Variants in ZNF527 observed in about 807,000 individuals in gnomAD.
The protein encoded by ZNF527 is zinc finger protein 527.
In ZNF527, 5 loss-of-function variants were observed where a neutral mutation model predicts 13.5. That is an observed-to-expected ratio of 0.37 (90% CI 0.19 to 0.78). The LOEUF is 0.78. ZNF527 is among the 30% of genes least tolerant of loss of function. The pLI, the probability that ZNF527 is intolerant of heterozygous loss-of-function variation, is 0.48. For missense variants in ZNF527, 628 were observed against 726.4 expected (o/e 0.86, Z 1.56); for synonymous variants, 209 against 243.1 (o/e 0.86, Z 1.30).
Position 37,388,951 on chromosome 19 carries a change from CA to C in ZNF527, c.903del (p.Tyr302MetfsTer126). 1 of 1,581,810 alleles carries C rather than the reference CA, an allele frequency of 6.3e-7. No homozygotes were observed. The highest frequency in any genetic ancestry group is 8.6e-7 in the Non-Finnish European group (1 of 1,159,312). The part of the protein sequence containing the change: ...QPQRIHSGEK[P>X]YACNDCGKAF... ...CAGAGAATTCACAGTGGAGAAAAACCATATGCATGCAATGACTGTGGAAAAG... is the reference window on the plus strand; with the variant it reads ...CAGAGAATTCACAGTGGAGAAAAACCTATGCATGCAATGACTGTGGAAAAG... On this transcript the variant is annotated frameshift_variant, in exon 5 of 5. Coordinates refer to ENST00000436120, the MANE Select transcript of ZNF527 (RefSeq NM_032453.2). LOFTEE classifies it low-confidence loss of function (END_TRUNC).
rs1342720285 is a variant in ZNF527 at position 37,371,158 on chromosome 19, A to C, written c.-110A>C. ...GTCCTCGCCTCGCTCCTCCTCGCGG[A>C]GGATTCTGGGAGGTGACGTCGCGGG... On this transcript the variant is annotated 5_prime_UTR_variant, in exon 1 of 5. Transcript: ENST00000436120. 1 of 151,950 alleles carries C rather than the reference A, an allele frequency of 6.6e-6. No homozygotes were observed. The highest frequency in any genetic ancestry group is 6.6e-5 in the Admixed American group (1 of 15,242). The allele number at this position is 151,950 out of a possible 1,614,324, so 9.4% of individuals were successfully genotyped here. A position where few individuals can be genotyped will look rare whatever the true frequency, so the allele number is the denominator to read the frequency against.
At chr19:37,374,588 A>C (rs559446330) in intron 2 of ZNF527, among the ~76,000 whole-genome samples, 2 of 152,312 alleles carry the variant, frequency 1.3e-5, no homozygotes, top group South Asian at 2.1e-4. Context: ...TGAAAGTAGC[A>C]AGTAAGTTTT....
At position 37,391,050 on chromosome 19, in the gene ZNF527, A is replaced by G. The variant is rs2040748013; in HGVS notation, c.*1171A>G. 1.3e-5 allele frequency: 2 copies of G among 152,216 alleles called. No individual in the cohort carries two copies. Among genetic ancestry groups the G allele is most frequent in the African/African-American group, 4.8e-5 (2 of 41,458 alleles). 9.4% of individuals were successfully genotyped at this position (152,216 alleles called of 1,614,324 possible). A position where few individuals can be genotyped will look rare whatever the true frequency, so the allele number is the denominator to read the frequency against. On this transcript the variant is annotated 3_prime_UTR_variant, in exon 5 of 5. Transcript: ENST00000436120. ...AATTCACCAAGTAAAATTCTTTAAC[A>G]GGCTTCCCCTTAAGGAGTTAAAATC...
At chr19:37,387,304 T>C (rs909309950) in intron 4 of ZNF527, among the ~76,000 whole-genome samples, 4 of 152,240 alleles carry the variant, frequency 2.6e-5, no homozygotes, top group Admixed American at 6.5e-5. Context: ...CAAGCTCATA[T>C]TCTCCGAGAA....
At position 37,380,331 on chromosome 19, in the gene ZNF527, C is replaced by T. The variant is rs780232583; in HGVS notation, c.215C>T (p.Pro72Leu). The T allele has an allele frequency of 3.4e-5, 55 of 1,613,952 alleles. No homozygotes were observed. Among genetic ancestry groups the T allele is most frequent in the Non-Finnish European group, 4.4e-5 (52 of 1,180,004 alleles). ...MISLLEQGKEPWMVERKMSQG... is the reference protein window; with the variant it reads ...MISLLEQGKELWMVERKMSQG... Reference sequence around the variant, plus strand: ...TCCTTACTGGAGCAAGGGAAGGAACCGTGGATGGTGGAGAGAAAGATGTCA... The same window carrying T: ...TCCTTACTGGAGCAAGGGAAGGAACTGTGGATGGTGGAGAGAAAGATGTCA... Residue 72 changes from proline to leucine, a missense_variant, in exon 4 of 5, where the codon CCG (proline) becomes CTG (leucine). Pro to Leu is a moderately conservative substitution (Grantham distance 98). This residue lies in a region of ZNF527 where 592 missense variants were observed against 678.0 expected (regional missense o/e 0.87). Coordinates refer to ENST00000436120, the MANE Select transcript of ZNF527 (RefSeq NM_032453.2).
At chr19:37,379,344 G>A in intron 3 of ZNF527, 98 bp downstream of exon 3, 1 of 1,194,340 alleles carries the variant, frequency 8.4e-7, no homozygotes, top group Non-Finnish European at 1.1e-6. Flanking sequence ...CATCTTAAAA[G>A]CACTTACTTG....
intron 4 of ZNF527, among the ~76,000 whole-genome samples, chr19:37,381,932 GGATTT>G (rs975871341): frequency 6.6e-6 from 1 of 151,928 alleles, no homozygotes; most frequent in Non-Finnish European, 1.5e-5. Flanking sequence ...AAATTTAAAT[GGATTT>G]ATTTTTGGAT....
chr19:37,374,813 G>A (rs867861648), intron 2 of ZNF527, among the ~76,000 whole-genome samples: 21 of 152,194 alleles, frequency 1.4e-4, no homozygotes, highest in African/African-American at 3.9e-4. Flanking sequence ...CCATTGGAAC[G>A]TTTGTGATCT....
chr19:37,377,305 G>A (rs1284392101), intron 2 of ZNF527, among the ~76,000 whole-genome samples: 1 of 152,284 alleles, frequency 6.6e-6, no homozygotes, highest in South Asian at 2.1e-4. Flanking sequence ...CATAGTCACA[G>A]AGGGCAGACA....
At chr19:37,388,269 G>T in intron 4 of ZNF527, 37 bp from the exon 5 acceptor site, 1 of 1,592,332 alleles carries the variant, frequency 6.3e-7, no homozygotes, top group South Asian at 1.1e-5. Context: ...CATAGCAAAA[G>T]AACAAAGGAG....
rs560963038 is a variant in ZNF527, at chr19:37,388,512, G to A, written c.463G>A (p.Glu155Lys). 12 of 1,614,168 alleles carry A rather than the reference G, an allele frequency of 7.4e-6. No individual in the cohort carries two copies. In the African/African-American group the frequency reaches 1.6e-4, roughly 22 times the overall value. ...TTTCATGCAAGTGACAGCTGTTAAG[G>A]AAATCTCTACTGGGAAAAGAGACAA... ...RHFMQVTAVKEISTGKRDNEF... is the reference protein window; with the variant it reads ...RHFMQVTAVKKISTGKRDNEF... The change falls in exon 5 of 5, where the codon GAA becomes AAA. Residue 155 changes from glutamate (E) to lysine (K), a missense_variant. Around this residue, in one of 3 missense-constraint regions of ZNF527, gnomAD observed 592 missense variants for 678.0 expected, o/e 0.87. Coordinates refer to ENST00000436120, the MANE Select transcript of ZNF527 (RefSeq NM_032453.2).
chr19:37,389,243 T>C lies in ZNF527; in HGVS notation c.1194T>C (p.Ser398=), dbSNP rs753957918. 6.2e-7 allele frequency: 1 copy of C among 1,614,078 alleles called. No homozygotes were observed. The highest frequency in any genetic ancestry group is 8.5e-7 in the Non-Finnish European group (1 of 1,180,008). ...AATGTAATAAAGCCTTCAGACAGAG[T>C]GCTCACCTTAATCAACATCAGAGGA... ...CKECNKAFRQ[S]AHLNQHQRIH... is the part of the protein sequence containing the mutation. Residue 398 remains serine, a synonymous_variant, in exon 5 of 5, where the codon AGT becomes AGC. Transcript: ENST00000436120.
chr19:37,387,909 C>G lies in ZNF527; in HGVS notation c.257-397C>G, dbSNP rs560878947. ...AAAGGGGTGAACATCCATCCCTGCC[C>G]TCATGGAGCTTTCAGTCTTATGAAT... On this transcript the variant is annotated intron_variant, in intron 4 of 4. Coordinates refer to ENST00000436120, the MANE Select transcript of ZNF527 (RefSeq NM_032453.2). Among the ~76,000 whole-genome samples, 22 of 152,312 alleles carry G rather than the reference C, an allele frequency of 1.4e-4. 1 individual carries two copies. In the South Asian group the frequency reaches 4.6e-3, roughly 32 times the overall value.
At chr19:37,381,909 TA>T (rs1474922942) in intron 4 of ZNF527, among the ~76,000 whole-genome samples, 5 of 152,218 alleles carry the variant, frequency 3.3e-5, no homozygotes, top group Non-Finnish European at 7.3e-5. Context: ...TCATAAAATT[TA>T]ATGACTTCAT....
At chr19:37,379,325 A>G in intron 3 of ZNF527, 79 bp downstream of exon 3, 1 of 1,371,538 alleles carries the variant, frequency 7.3e-7, no homozygotes, top group African/African-American at 1.5e-5. Context: ...TATCTAGGAC[A>G]TCTTAAGACA....
rs200784706 is a variant in ZNF527 at position 37,379,464 on chromosome 19, T to TC, written c.160+218_160+219insC. ...TCTGAACACATGAAGTAATTTCTTT[T>TC]TTTTTTTTTTTTTTTGAGACAGAGT... is the stretch of plus-strand genomic sequence containing the variant. On this transcript the variant is annotated intron_variant, in intron 3 of 4. Transcript: ENST00000436120. The TC allele has an allele frequency of 1.1e-3, 304 of 284,238 alleles. 2 individuals carry two copies. The East Asian group carries it at 0.019, about 18-fold the overall frequency. The allele number at this position is 284,238 out of a possible 1,614,324, so 17.6% of individuals were successfully genotyped here. A position where few individuals can be genotyped will look rare whatever the true frequency, so the allele number is the denominator to read the frequency against.
In ZNF527 at chr19:37,389,276, T is replaced by C; in HGVS notation, c.1227T>C (p.Thr409=). The C allele has an allele frequency of 6.2e-7, 1 of 1,614,176 alleles. No homozygotes were observed. The highest frequency in any genetic ancestry group is 8.5e-7 in the Non-Finnish European group (1 of 1,180,034). ...AHLNQHQRIH[T]GEKPYECNQC... ...TTAATCAACATCAGAGGATTCACAC[T>C]GGAGAGAAACCCTATGAATGTAATC... The change falls in exon 5 of 5, where the codon ACT becomes ACC. Residue 409 remains threonine (T), a synonymous_variant. Transcript: ENST00000436120.
chr19:37,381,477 A>T (rs929573714), intron 4 of ZNF527, among the ~76,000 whole-genome samples: 2 of 152,226 alleles, frequency 1.3e-5, no homozygotes, highest in African/African-American at 4.8e-5. Context: ...TTTGCAAAGA[A>T]TGTCACAGAA....
rs2040758413 is a variant in ZNF527 at position 37,391,957 on chromosome 19, T to C, written c.*2078T>C. On this transcript the variant is annotated 3_prime_UTR_variant, in exon 5 of 5. Coordinates refer to ENST00000436120, the MANE Select transcript of ZNF527 (RefSeq NM_032453.2). ...AAATGAAAGAGGAAAGAATGAAGGA[T>C]TTATATGTGTGCATAGAGTGAATAT... is the stretch of plus-strand genomic sequence containing the variant. 1.3e-5 allele frequency: 2 copies of C among 152,190 alleles called. No homozygotes were observed. Among genetic ancestry groups the C allele is most frequent in the Non-Finnish European group, 2.9e-5 (2 of 68,034 alleles). 9.4% of individuals were successfully genotyped at this position (152,190 alleles called of 1,614,324 possible).
Sources: gnomAD v4.1 joint callset for allele counts (sites outside exome capture counted in the v4.1 genomes callset) on GRCh38, gnomAD v4.1.1 for gene constraint, gnomAD v4.1.1 regional missense constraint, MANE v1.5 for transcripts, NCBI Gene and HGNC (gene_info 2026-07-23, HGNC 2026-07-21) for gene names.